Variants in CFAP97 observed in about 807,000 individuals in gnomAD.
CFAP97 encodes cilia- and flagella-associated protein 97.
CFAP97 carries 36 observed loss-of-function variants against 43.1 expected under a neutral mutation model. The observed-to-expected ratio is 0.84, with a 90% CI of 0.64 to 1.10. CFAP97 has a LOEUF of 1.10. Among genes scored for constraint, CFAP97 ranks in the 50% least tolerant of loss-of-function variants. The pLI is 0.00. For synonymous variants in CFAP97, 228 were observed against 225.7 expected (o/e 1.01, Z -0.09); for missense variants, 657 against 620.3 (o/e 1.06, Z -0.63).
At chr4:185,193,428 CA>C (rs1406562867) in intron 1 of CFAP97, among the ~76,000 whole-genome samples, 3 of 152,102 alleles carry the variant, frequency 2.0e-5, no homozygotes, top group African/African-American at 4.8e-5. Context: ...GGGTGGATCA[CA>C]AGGTCAGGAG....
At chr4:185,181,234 T>C (rs775074480) in intron 2 of CFAP97, among the ~76,000 whole-genome samples, 48 of 147,108 alleles carry the variant, frequency 3.3e-4, no homozygotes, top group Non-Finnish European at 6.2e-4. Context: ...CACTCCAGCA[T>C]GGGCAACAGA....
chr4:185,188,189 C>T (rs976240944), intron 2 of CFAP97, among the ~76,000 whole-genome samples: 1 of 151,964 alleles, frequency 6.6e-6, no homozygotes, highest in African/African-American at 2.4e-5. Context: ...GCACCGTGCT[C>T]GGCCGCTATT....
chr4:185,163,967 CG>C (rs1579224834), intron 4 of CFAP97, 61 bp downstream of exon 4: 21 of 1,459,594 alleles, frequency 1.4e-5, no homozygotes, highest in Admixed American at 7.5e-5. Context: ...TAACATGTTA[CG>C]TTTTTTTAAA....
At chr4:185,163,909 G>T in intron 4 of CFAP97, 120 bp downstream of exon 4, 1 of 844,706 alleles carries the variant, frequency 1.2e-6, no homozygotes, top group Non-Finnish European at 1.8e-6. Flanking sequence ...ATGACAGTGG[G>T]AAATAACAGA....
At chr4:185,180,790 G>A (rs765341873) in intron 2 of CFAP97, among the ~76,000 whole-genome samples, 7 of 151,624 alleles carry the variant, frequency 4.6e-5, no homozygotes, top group Non-Finnish European at 7.4e-5. Flanking sequence ...TTTTCTCTAA[G>A]ATTTTCTCCA....
At chr4:185,171,862 G>A (rs1362860987) in intron 3 of CFAP97, among the ~76,000 whole-genome samples, 1 of 151,984 alleles carries the variant, frequency 6.6e-6, no homozygotes, top group Non-Finnish European at 1.5e-5. Flanking sequence ...TCAGCTTCCT[G>A]AGCAGCTGGG....
At chr4:185,194,047 T>C (rs1323578754) in intron 1 of CFAP97, among the ~76,000 whole-genome samples, 2 of 152,218 alleles carry the variant, frequency 1.3e-5, no homozygotes, top group Non-Finnish European at 2.9e-5. Context: ...TCTGTTTTTG[T>C]AAATAAAGTT....
chr4:185,204,585 C>G (rs1737104534), upstream of CFAP97: 1 of 152,260 alleles, frequency 6.6e-6, no homozygotes, highest in African/African-American at 2.4e-5. Context: ...ATGTGCACCT[C>G]CTAGTCCCCA....
intron 1 of CFAP97, among the ~76,000 whole-genome samples, chr4:185,192,005 C>G (rs1736280029): frequency 6.6e-6 from 1 of 152,166 alleles, no homozygotes; most frequent in African/African-American, 2.4e-5. Context: ...ACCAGCTAAA[C>G]CATCCAAACA....
Position 185,169,737 on chromosome 4 carries a change from G to C in CFAP97, c.1321-5558C>G, listed in dbSNP as rs1242553824. ...AGTGTTTCTAGAGCGATGAAGCAAA[G>C]ACCTTGTAAGGACACTAAAAAGTAA... On this transcript the variant is annotated intron_variant, in intron 3 of 4. Coordinates refer to ENST00000458385, the MANE Select transcript of CFAP97 (RefSeq NM_020827.3). The C allele has an allele frequency of 4.1e-6, 4 of 985,302 alleles. No individual in the cohort carries two copies. In the African/African-American group the frequency reaches 7.0e-5, roughly 17 times the overall value. 61.0% of individuals were successfully genotyped at this position (985,302 alleles called of 1,614,324 possible). A position where few individuals can be genotyped will look rare whatever the true frequency, so the allele number is the denominator to read the frequency against.
rs1736041850 is a variant in CFAP97, at chr4:185,187,275, C to A, written c.1054+2868G>T. Among the ~76,000 whole-genome samples, 6 of 152,230 alleles carry A rather than the reference C, an allele frequency of 3.9e-5. No individual in the cohort carries two copies. The South Asian group carries it at 1.2e-3, about 32-fold the overall frequency. ...TATGAAATATGTTTCCTAACCAGCACAGCTGTGCAACAGAAGCAGTTTCCT... is the reference window on the plus strand; with the variant it reads ...TATGAAATATGTTTCCTAACCAGCAAAGCTGTGCAACAGAAGCAGTTTCCT... On this transcript the variant is annotated intron_variant, in intron 2 of 4. Coordinates refer to ENST00000458385, the MANE Select transcript of CFAP97 (RefSeq NM_020827.3).
upstream of CFAP97, among the ~76,000 whole-genome samples, chr4:185,207,481 G>A (rs1343446905): frequency 6.6e-6 from 1 of 152,048 alleles, no homozygotes; most frequent in Non-Finnish European, 1.5e-5. Context: ...GCTTCCCAAA[G>A]TGCTGGGATT....
chr4:185,171,770 T>C (rs926470928), intron 3 of CFAP97, among the ~76,000 whole-genome samples: 1 of 152,200 alleles, frequency 6.6e-6, no homozygotes, highest in African/African-American at 2.4e-5. Flanking sequence ...GCTGAACTGA[T>C]CACTTGAACC....
chr4:185,190,774 A>T lies in CFAP97; in HGVS notation c.423T>A (p.Asp141Glu). ...TGGACTTCACATGGTATTTCTTCCC[A>T]TCATCACTGCTTTCCTCTCCATCTG... ...YYTDGEESSDDGKKYHVKSKS... is the reference protein window; with the variant it reads ...YYTDGEESSDEGKKYHVKSKS... Residue 141 changes from aspartate (D) to glutamate (E), a missense_variant, in exon 2 of 5, where the codon GAT (aspartate) becomes GAA (glutamate). Physicochemically the swap from Asp to Glu is conservative, Grantham distance 45 (BLOSUM62 2). Coordinates refer to ENST00000458385, the MANE Select transcript of CFAP97 (RefSeq NM_020827.3). The T allele has an allele frequency of 6.2e-7, 1 of 1,602,738 alleles. No individual in the cohort carries two copies. Among genetic ancestry groups the T allele is most frequent in the Non-Finnish European group, 8.5e-7 (1 of 1,173,774 alleles).
chr4:185,168,051 T>C (rs564098764), intron 3 of CFAP97, among the ~76,000 whole-genome samples: 1 of 151,558 alleles, frequency 6.6e-6, no homozygotes, highest in Non-Finnish European at 1.5e-5. Context: ...ATTGTTAATA[T>C]TGCTGTATTT....
At chr4:185,198,272 A>G (rs1034505469) in intron 1 of CFAP97, among the ~76,000 whole-genome samples, 2 of 151,892 alleles carry the variant, frequency 1.3e-5, no homozygotes, top group Non-Finnish European at 2.9e-5. Flanking sequence ...GTGAAACCCT[A>G]TCTCTACTAA....
chr4:185,169,704 G>A (rs1579231548), intron 3 of CFAP97: 6 of 985,402 alleles, frequency 6.1e-6, no homozygotes, highest in Non-Finnish European at 7.2e-6. Context: ...GCAGAGGAGA[G>A]TTGCTTTAGT....
intron 4 of CFAP97, 108 bp downstream of exon 4, chr4:185,163,921 C>G: frequency 1.1e-6 from 1 of 934,740 alleles, no homozygotes; most frequent in South Asian, 1.8e-5. Context: ...AATAACAGAA[C>G]GCATTCCAGA....
At position 185,190,944 on chromosome 4, in the gene CFAP97, C is replaced by T. The variant is rs1246843408; in HGVS notation, c.253G>A (p.Val85Ile). 5 of 1,613,850 alleles carry T rather than the reference C, an allele frequency of 3.1e-6. No homozygotes were observed. Among genetic ancestry groups the T allele is most frequent in the Admixed American group, 1.7e-5 (1 of 60,014 alleles). Reference sequence around the variant, plus strand: ...GAGAAAGAACTTACAGTTTGTGTAACATCATTCTCTACGGGGTGTTCTGGG... The same window carrying T: ...GAGAAAGAACTTACAGTTTGTGTAATATCATTCTCTACGGGGTGTTCTGGG... ...FPPEHPVENDVTQTVSSFSLP... is the reference protein window; with the variant it reads ...FPPEHPVENDITQTVSSFSLP... Residue 85 changes from valine to isoleucine, a missense_variant, in exon 2 of 5, where the codon GTT (valine) becomes ATT (isoleucine). Transcript: ENST00000458385.
Sources: allele counts gnomAD v4.1 joint callset (sites outside exome capture counted in the v4.1 genomes callset), GRCh38; gene constraint gnomAD v4.1.1; transcripts MANE v1.5; gene names NCBI Gene and HGNC (gene_info 2026-07-23, HGNC 2026-07-21).